ULK4: variants seen among roughly 807,000 people sequenced by gnomAD.
ULK4 encodes unc-51 like kinase 4, also known as inactive serine/threonine-protein kinase ULK4.
Under a neutral mutation model 160.6 loss-of-function variants are expected in ULK4, and 133 were observed. That is an observed-to-expected ratio of 0.83 (90% CI 0.72 to 0.96). The LOEUF (loss-of-function observed/expected upper bound fraction) is 0.96, where lower values mean the gene tolerates loss of function less well. Among genes scored for constraint, ULK4 ranks in the 40% least tolerant of loss-of-function variants. The pLI is 0.00. For synonymous variants in ULK4, 534 were observed against 539.8 expected (o/e 0.99, Z 0.15); for missense variants, 1,580 against 1,499.5 (o/e 1.05, Z -0.89).
At chr3:41,592,291 T>G (rs1362731200) in intron 31 of ULK4, among the ~76,000 whole-genome samples, 1 of 151,946 alleles carries the variant, frequency 6.6e-6, no homozygotes, top group Non-Finnish European at 1.5e-5. Flanking sequence ...GAAATACAGG[T>G]GTAGAGGAAG....
chr3:41,641,615 C>A (rs947197088), intron 30 of ULK4, among the ~76,000 whole-genome samples: 2 of 152,090 alleles, frequency 1.3e-5, no homozygotes, highest in East Asian at 3.9e-4. Context: ...AAACCACTGG[C>A]CCTAAAGCCT....
At chr3:41,926,991 C>T (rs1240976964) in intron 5 of ULK4, among the ~76,000 whole-genome samples, 1 of 150,732 alleles carries the variant, frequency 6.6e-6, no homozygotes, top group African/African-American at 2.4e-5. Context: ...TCAGGAAATA[C>T]AAGAGAACAC....
chr3:41,538,667 T>C (rs1167430561), intron 32 of ULK4, among the ~76,000 whole-genome samples: 1 of 152,150 alleles, frequency 6.6e-6, no homozygotes, highest in Non-Finnish European at 1.5e-5. Flanking sequence ...CATCACAAGG[T>C]ATTTTAAATA....
At chr3:41,466,135 C>T (rs150117512) in intron 32 of ULK4, among the ~76,000 whole-genome samples, 22 of 152,224 alleles carry the variant, frequency 1.4e-4, no homozygotes, top group African/African-American at 5.1e-4. Context: ...AGTATCCTTG[C>T]TTCTGCTATA....
intron 32 of ULK4, 54 bp downstream of exon 32, chr3:41,565,971 T>C (rs1314774704): frequency 1.4e-6 from 2 of 1,391,666 alleles, no homozygotes; most frequent in Non-Finnish European, 2.0e-6. Context: ...CTATATAAGA[T>C]GAAGAAATGA....
At chr3:41,733,725 A>ATTTTTTTTTTTT (rs778572755) in intron 22 of ULK4, among the ~76,000 whole-genome samples, 1 of 93,620 alleles carries the variant, frequency 1.1e-5, no homozygotes. Context: ...TAAACACATG[A>ATTTTTTTTTTTT]TTTTTTTTTT....
intron 17 of ULK4, among the ~76,000 whole-genome samples, chr3:41,873,224 C>CTTT (rs1173793427): frequency 8.5e-5 from 9 of 106,318 alleles, no homozygotes; most frequent in East Asian, 2.4e-4. Context: ...AGTTGCCTTT[C>CTTT]TTTTTTTTTT....
chr3:41,290,752 A>G (rs1166874987), intron 35 of ULK4, among the ~76,000 whole-genome samples: 3 of 152,238 alleles, frequency 2.0e-5, no homozygotes, highest in Non-Finnish European at 2.9e-5. Flanking sequence ...TGGTACACGT[A>G]TGCTCATAAG....
At chr3:41,711,724 T>G (rs773036761) in intron 25 of ULK4, among the ~76,000 whole-genome samples, 9 of 152,244 alleles carry the variant, frequency 5.9e-5, no homozygotes, top group Non-Finnish European at 1.3e-4. Context: ...CAACAAAGTC[T>G]GCTTCCTCTG....
At chr3:41,675,794 C>G (rs2035693046) in intron 29 of ULK4, among the ~76,000 whole-genome samples, 1 of 152,154 alleles carries the variant, frequency 6.6e-6, no homozygotes, top group Admixed American at 6.5e-5. Flanking sequence ...ACATCAGAGG[C>G]ACAGAATGGA....
intron 22 of ULK4, among the ~76,000 whole-genome samples, chr3:41,751,978 G>A (rs2038646883): frequency 6.6e-6 from 1 of 152,186 alleles, no homozygotes; most frequent in African/African-American, 2.4e-5. Context: ...GCAAGAACTA[G>A]ACAAGGCAGG....
intron 32 of ULK4, among the ~76,000 whole-genome samples, chr3:41,542,315 A>T (rs1231445368): frequency 1.3e-5 from 2 of 152,050 alleles, no homozygotes; most frequent in Non-Finnish European, 2.9e-5. Flanking sequence ...GTGATGTATT[A>T]CATTTATTAC....
At chr3:41,486,800 G>A (rs143738260) in intron 32 of ULK4, among the ~76,000 whole-genome samples, 1 of 152,038 alleles carries the variant, frequency 6.6e-6, no homozygotes, top group East Asian at 1.9e-4. Context: ...TTTCATATAC[G>A]ATCTGGCCAT....
intron 21 of ULK4, among the ~76,000 whole-genome samples, chr3:41,771,192 A>G (rs1462725086): frequency 6.6e-6 from 1 of 152,220 alleles, no homozygotes; most frequent in Non-Finnish European, 1.5e-5. Context: ...ATAAAATACC[A>G]CATAATAATC....
chr3:41,834,971 G>A (rs904460202), intron 18 of ULK4, among the ~76,000 whole-genome samples: 1 of 152,084 alleles, frequency 6.6e-6, no homozygotes, highest in Non-Finnish European at 1.5e-5. Context: ...GTGCATTGGA[G>A]GACTATATAA....
intron 32 of ULK4, among the ~76,000 whole-genome samples, chr3:41,564,449 CTTTTTTTTTTTTT>C (rs71075476): frequency 3.7e-5 from 3 of 80,930 alleles, no homozygotes; most frequent in Admixed American, 1.7e-4. Context: ...TCTTCTTCTT[CTTTTTTTTTTTTT>C]TTTTTTTTTT....
intron 30 of ULK4, among the ~76,000 whole-genome samples, chr3:41,649,011 C>T (rs1047954750): frequency 6.6e-6 from 1 of 151,986 alleles, no homozygotes. Context: ...GCCTGTAATC[C>T]CACCTACTTG....
At chr3:41,747,088 G>T (rs1225699033) in intron 22 of ULK4, among the ~76,000 whole-genome samples, 1 of 151,830 alleles carries the variant, frequency 6.6e-6, no homozygotes, top group Non-Finnish European at 1.5e-5. Context: ...AAATCTTTGG[G>T]ATCTAGACAG....
chr3:41,282,962 A>C lies in ULK4; in HGVS notation c.3679-33388T>G, dbSNP rs182267407. 1.6e-4 allele frequency among the ~76,000 whole-genome samples: 24 copies of C among 152,252 alleles called. No homozygotes were observed. In the East Asian group the frequency reaches 4.6e-3, roughly 29 times the overall value. ...CTTAAACAAATTTACAAGAAAAAAC[A>C]ACCCCATCAAAAAGTTGGCAAATGA... On this transcript the variant is annotated intron_variant, in intron 35 of 36. Transcript: ENST00000301831.
Sources: allele counts gnomAD v4.1 joint callset (sites outside exome capture counted in the v4.1 genomes callset), GRCh38; gene constraint gnomAD v4.1.1; transcripts MANE v1.5; gene names NCBI Gene and HGNC (gene_info 2026-07-23, HGNC 2026-07-21).